Variants in FAM135B observed in about 807,000 individuals in gnomAD.
The protein encoded by FAM135B is family with sequence similarity 135 member B.
A neutral mutation model predicts 127.7 loss-of-function variants in FAM135B; 43 were observed. The observed-to-expected ratio is 0.34, with a 90% confidence interval of 0.26 to 0.43. The LOEUF is 0.43. FAM135B is among the 20% of genes least tolerant of loss of function. The pLI is 1.00. For missense variants in FAM135B, 1,558 were observed against 1,725.6 expected (o/e 0.90, Z 1.72); for synonymous variants, 670 against 665.1 (o/e 1.01, Z -0.11).
chr8:138,363,388 G>A (rs1433063796), intron 2 of FAM135B, among the ~76,000 whole-genome samples: 1 of 152,162 alleles, frequency 6.6e-6, no homozygotes, highest in Non-Finnish European at 1.5e-5. Context: ...TGGGTTGGGG[G>A]AAGTTTCCAA....
intron 14 of FAM135B, among the ~76,000 whole-genome samples, chr8:138,147,333 G>A (rs1817739063): frequency 6.6e-6 from 1 of 151,768 alleles, no homozygotes; most frequent in Admixed American, 6.6e-5. Context: ...TTAAGTAATG[G>A]GTAGAAATGG....
chr8:138,407,340 A>C (rs1294724737), intron 1 of FAM135B, among the ~76,000 whole-genome samples: 1 of 152,138 alleles, frequency 6.6e-6, no homozygotes, highest in Non-Finnish European at 1.5e-5. Flanking sequence ...GCCCAAGGTA[A>C]TTTATAGGTT....
At position 138,148,521 on chromosome 8, in the gene FAM135B, A is replaced by G. The variant is rs140853530; in HGVS notation, c.3447T>C (p.Asp1149=). Reference sequence around the variant, plus strand: ...AAGAAAACTTGTTTTAGAACTCACCATCCAGGCCATGGACACAGACAACCA... The same window carrying G: ...AAGAAAACTTGTTTTAGAACTCACCGTCCAGGCCATGGACACAGACAACCA... The part of the protein sequence containing the change: ...IHLVVCVHGL[D]GNSADLRLVK... The change falls in exon 14 of 20, where the codon GAT becomes GAC. Residue 1149 remains aspartate, a splice_region_variant and synonymous_variant. Transcript: ENST00000395297. 6.1e-3 allele frequency: 9,884 copies of G among 1,613,646 alleles called. 44 individuals are homozygous for G. The highest frequency in any genetic ancestry group is 0.022 in the Middle Eastern group (134 of 6,060).
At chr8:138,375,899 T>C (rs2131261820) in intron 1 of FAM135B, among the ~76,000 whole-genome samples, 1 of 152,302 alleles carries the variant, frequency 6.6e-6, no homozygotes, top group African/African-American at 2.4e-5. Context: ...TAAAGGAATC[T>C]GGAGAGACCT....
intron 1 of FAM135B, among the ~76,000 whole-genome samples, chr8:138,476,623 G>A (rs1447117777): frequency 6.6e-6 from 1 of 152,002 alleles, no homozygotes; most frequent in Non-Finnish European, 1.5e-5. Flanking sequence ...ATCTCCTGCA[G>A]AACTCAGGAA....
chr8:138,429,984 C>T (rs1272951046), intron 1 of FAM135B, among the ~76,000 whole-genome samples: 1 of 152,110 alleles, frequency 6.6e-6, no homozygotes, highest in African/African-American at 2.4e-5. Context: ...TTGTTTTATG[C>T]AAAACTCTTT....
intron 1 of FAM135B, among the ~76,000 whole-genome samples, chr8:138,471,761 A>G (rs908782911): frequency 2.0e-5 from 3 of 152,218 alleles, no homozygotes; most frequent in Non-Finnish European, 4.4e-5. Flanking sequence ...TACCATAAAA[A>G]CATCAAAGGA....
At chr8:138,420,059 T>G (rs112161479) in intron 1 of FAM135B, among the ~76,000 whole-genome samples, 9 of 152,158 alleles carry the variant, frequency 5.9e-5, no homozygotes, top group African/African-American at 2.2e-4. Context: ...AAAATCTGGT[T>G]CTTTGAAAAA....
intron 1 of FAM135B, among the ~76,000 whole-genome samples, chr8:138,470,602 C>T (rs1255637748): frequency 1.3e-5 from 2 of 152,106 alleles, no homozygotes; most frequent in Non-Finnish European, 2.9e-5. Flanking sequence ...AGTTTCCTTG[C>T]GGGAATCTTT....
intron 8 of FAM135B, among the ~76,000 whole-genome samples, chr8:138,196,341 G>C (rs1315861228): frequency 6.6e-6 from 1 of 152,170 alleles, no homozygotes; most frequent in African/African-American, 2.4e-5. Context: ...ATGATTCAAA[G>C]AGTAGTGCCT....
intron 2 of FAM135B, among the ~76,000 whole-genome samples, chr8:138,331,433 A>C (rs1563905639): frequency 6.6e-6 from 1 of 152,184 alleles, no homozygotes; most frequent in Non-Finnish European, 1.5e-5. Flanking sequence ...TCCTTTTTAA[A>C]AACAGGTCTG....
At chr8:138,212,945 A>C (rs546117859) in intron 7 of FAM135B, among the ~76,000 whole-genome samples, 1 of 152,338 alleles carries the variant, frequency 6.6e-6, no homozygotes, top group African/African-American at 2.4e-5. Context: ...TTTTTAAAAA[A>C]AATTACTAGT....
chr8:138,365,404 C>T (rs1280512082), intron 2 of FAM135B, among the ~76,000 whole-genome samples: 3 of 152,052 alleles, frequency 2.0e-5, no homozygotes, highest in Admixed American at 6.6e-5. Flanking sequence ...ATTTTGTTAA[C>T]GGTGATTATT....
intron 4 of FAM135B, among the ~76,000 whole-genome samples, chr8:138,265,371 T>C (rs183102248): frequency 2.6e-5 from 4 of 152,250 alleles, no homozygotes; most frequent in Admixed American, 2.0e-4. Flanking sequence ...CTGCAAAAAG[T>C]AGTTACTCAA....
At chr8:138,439,202 G>A (rs1169842917) in intron 1 of FAM135B, 3 of 152,160 alleles carry the variant, frequency 2.0e-5, no homozygotes, top group South Asian at 2.1e-4. Context: ...GGAGGCTCCA[G>A]TACAAAGATA....
intron 3 of FAM135B, among the ~76,000 whole-genome samples, chr8:138,275,128 T>C (rs868684142): frequency 1.3e-4 from 20 of 152,172 alleles, no homozygotes; most frequent in Admixed American, 1.0e-3. Context: ...TAAGAAATTA[T>C]AAAAGTATTA....
At chr8:138,260,566 A>G (rs1822463624) in intron 4 of FAM135B, among the ~76,000 whole-genome samples, 1 of 152,132 alleles carries the variant, frequency 6.6e-6, no homozygotes, top group Non-Finnish European at 1.5e-5. Flanking sequence ...CTCCAAGCCC[A>G]TTTCATGGCC....
At position 138,479,308 on chromosome 8, in the gene FAM135B, C is replaced by T. The variant is rs188558254; in HGVS notation, c.-20+17363G>A. 2.8e-3 allele frequency among the ~76,000 whole-genome samples: 419 copies of T among 152,166 alleles called. 3 individuals carry two copies. The highest frequency in any genetic ancestry group is 9.7e-3 in the African/African-American group (404 of 41,514). On this transcript the variant is annotated intron_variant, in intron 1 of 19. Transcript: ENST00000395297. ...TGACATTGGTAATAAATTAAGTTTCCAGCCCCTCTCCTCACCCCATCCTGG... is the reference window on the plus strand; with the variant it reads ...TGACATTGGTAATAAATTAAGTTTCTAGCCCCTCTCCTCACCCCATCCTGG...
At chr8:138,319,581 C>T (rs998704418) in intron 2 of FAM135B, among the ~76,000 whole-genome samples, 3 of 152,176 alleles carry the variant, frequency 2.0e-5, no homozygotes, top group Non-Finnish European at 4.4e-5. Flanking sequence ...AAACTTCAGG[C>T]AGTATGCTGT....
Sources: gnomAD v4.1 joint callset for allele counts (sites outside exome capture counted in the v4.1 genomes callset) on GRCh38, gnomAD v4.1.1 for gene constraint, MANE v1.5 for transcripts, NCBI Gene and HGNC (gene_info 2026-07-23, HGNC 2026-07-21) for gene names.